The following ILDR1 variants were observed in gnomAD, a reference collection of about 807,000 sequenced individuals.
ILDR1 encodes immunoglobulin like domain containing receptor 1, also known as immunoglobulin-like domain-containing receptor 1.
In ILDR1, 56 loss-of-function variants were observed where a neutral mutation model predicts 62.4. The observed-to-expected ratio is 0.90, with a 90% CI of 0.72 to 1.12. ILDR1 has a LOEUF of 1.12. ILDR1 is among the 50% of genes most tolerant of loss of function. ILDR1 has a pLI of 0.00. For synonymous variants in ILDR1, 284 were observed against 277.8 expected (o/e 1.02, Z -0.22); for missense variants, 736 against 710.6 (o/e 1.04, Z -0.41).
Position 121,994,208 on chromosome 3 carries a change from T to C in ILDR1, c.752A>G (p.Tyr251Cys). The C allele has an allele frequency of 6.5e-7, 1 of 1,536,096 alleles. No homozygotes were observed. Among genetic ancestry groups the C allele is most frequent in the Non-Finnish European group, 8.7e-7 (1 of 1,146,894 alleles). Residue 251 changes from tyrosine (Y) to cysteine (C), a missense_variant, in exon 6 of 8, where the codon TAT becomes TGT. By Grantham distance (194) the Tyr-to-Cys change is radical. Transcript: ENST00000344209. ...GADRSSQVSSYPMHPLLQRDL... is the reference protein window; with the variant it reads ...GADRSSQVSSCPMHPLLQRDL... ...TCGCTGCAGCAGCGGGTGCATTGGA[T>C]AAGATGAAACCTGGGAGCTCCTGTC...
chr3:122,041,271 G>T, the ILDR1 span, among the ~76,000 whole-genome samples: 1 of 152,198 alleles, frequency 6.6e-6, no homozygotes, highest in African/African-American at 2.4e-5. Flanking sequence ...CTTATGAATG[G>T]ATGAATGTCA....
intron 2 of ILDR1, 56 bp from the exon 3 acceptor site, chr3:122,005,449 A>T: frequency 6.2e-7 from 1 of 1,604,796 alleles, no homozygotes; most frequent in Non-Finnish European, 8.5e-7. Flanking sequence ...CCACAAAAAA[A>T]AGGTTCCCTT....
chr3:122,033,319 G>GT, the ILDR1 span, among the ~76,000 whole-genome samples: 11 of 150,714 alleles, frequency 7.3e-5, no homozygotes, highest in Non-Finnish European at 1.2e-4. Flanking sequence ...GGAATCTTTT[G>GT]TTTTTTTATT....
At chr3:122,028,093 C>T in the ILDR1 span, among the ~76,000 whole-genome samples, 1 of 151,478 alleles carries the variant, frequency 6.6e-6, no homozygotes, top group Non-Finnish European at 1.5e-5. Flanking sequence ...TTTGGGAGGC[C>T]AAGGCGGGCA....
At chr3:122,038,401 A>C in the ILDR1 span, among the ~76,000 whole-genome samples, 1 of 152,216 alleles carries the variant, frequency 6.6e-6, no homozygotes, top group Non-Finnish European at 1.5e-5. Context: ...AGAAATTTGA[A>C]GCCTATAGTG....
the ILDR1 span, among the ~76,000 whole-genome samples, chr3:122,057,142 C>T: frequency 6.6e-6 from 1 of 152,182 alleles, no homozygotes; most frequent in East Asian, 1.9e-4. Flanking sequence ...TATTTGTACC[C>T]TAGTTGCGCA....
In ILDR1 at chr3:122,001,448, A is replaced by G. The variant is rs1261467766; in HGVS notation, c.506T>C (p.Leu169Pro). Residue 169 changes from leucine to proline, a missense_variant, in exon 5 of 8, where the codon CTG becomes CCG. Transcript: ENST00000344209. ...TCCCAGGATGATGAAGATCACTGTC[A>G]GCCAGTCTGCAGGGGAGAAGCCAAG... is the stretch of plus-strand genomic sequence containing the variant. ...KEVKLIVLHWLTVIFIILGAL... is the reference protein window; with the variant it reads ...KEVKLIVLHWPTVIFIILGAL... The G allele has an allele frequency of 1.2e-6, 2 of 1,614,168 alleles. No individual in the cohort carries two copies. Among genetic ancestry groups the G allele is most frequent in the Non-Finnish European group, 8.5e-7 (1 of 1,180,014 alleles).
chr3:122,019,834 G>A (rs1226603249), intron 1 of ILDR1, among the ~76,000 whole-genome samples: 1 of 152,230 alleles, frequency 6.6e-6, no homozygotes, highest in African/African-American at 2.4e-5. Flanking sequence ...AGAGAACAAG[G>A]TGATGGACCA....
chr3:122,040,598 T>C, the ILDR1 span, among the ~76,000 whole-genome samples: 134 of 151,676 alleles, frequency 8.8e-4, no homozygotes, highest in Middle Eastern at 6.8e-3. Flanking sequence ...TATAGATCAA[T>C]AGAGAGCCCA....
chr3:122,037,369 G>A, the ILDR1 span, among the ~76,000 whole-genome samples: 1 of 152,250 alleles, frequency 6.6e-6, no homozygotes, highest in East Asian at 1.9e-4. Context: ...ACCCAAGGCT[G>A]TGGGAGCCCA....
chr3:122,035,761 T>C, the ILDR1 span, among the ~76,000 whole-genome samples: 1 of 152,246 alleles, frequency 6.6e-6, no homozygotes, highest in African/African-American at 2.4e-5. Context: ...TAAATCTCTT[T>C]TCTTCAAAAA....
In ILDR1 at chr3:121,993,782, C is replaced by T. The variant is rs1428349007; in HGVS notation, c.967G>A (p.Glu323Lys). The change falls in exon 7 of 8, where the codon GAG (glutamate) becomes AAG (lysine). Residue 323 changes from glutamate (E) to lysine (K), a missense_variant. Glu to Lys is a moderately conservative substitution (Grantham distance 56, BLOSUM62 1). Coordinates refer to ENST00000344209, the MANE Select transcript of ILDR1 (RefSeq NM_001199799.2). ...TGGATGATTCTGCGTTCCACGACCT[C>T]AGAGCCCAGGGAGGACAGCATGCTG... Reference protein sequence around the residue: ...PCSMLSSLGSEVVERRIIHLP... With the variant: ...PCSMLSSLGSKVVERRIIHLP... The T allele has an allele frequency of 6.8e-6, 11 of 1,614,136 alleles. No homozygotes were observed. Among genetic ancestry groups the T allele is most frequent in the African/African-American group, 4.0e-5 (3 of 75,026 alleles).
At chr3:122,004,158 C>CT (rs1208749030) in intron 3 of ILDR1, among the ~76,000 whole-genome samples, 1 of 152,224 alleles carries the variant, frequency 6.6e-6, no homozygotes, top group Non-Finnish European at 1.5e-5. Flanking sequence ...GCGATGGCCA[C>CT]CATGAGTGGC....
At position 122,003,237 on chromosome 3, in the gene ILDR1, T is replaced by C. The variant is rs1395422329; in HGVS notation, c.380-1373A>G. On this transcript the variant is annotated intron_variant, in intron 3 of 7. Transcript: ENST00000344209. ...TGGTGGTAATATCTGCAATTCTTTATTATCTGTTTGTCAAGAAATGTTTAT... is the reference window on the plus strand; with the variant it reads ...TGGTGGTAATATCTGCAATTCTTTACTATCTGTTTGTCAAGAAATGTTTAT... Among the ~76,000 whole-genome samples the C allele has an allele frequency of 2.0e-5, 3 of 152,226 alleles. No homozygotes were observed. The East Asian group carries it at 5.8e-4, about 29-fold the overall frequency.
chr3:122,002,955 T>A (rs1391912209), intron 3 of ILDR1, among the ~76,000 whole-genome samples: 8 of 152,208 alleles, frequency 5.3e-5, no homozygotes, highest in African/African-American at 1.9e-4. Flanking sequence ...GAATTTAAAA[T>A]GAATGGTTAA....
intron 1 of ILDR1, among the ~76,000 whole-genome samples, chr3:122,017,841 A>C (rs1576736895): frequency 6.6e-6 from 1 of 152,352 alleles, no homozygotes; most frequent in East Asian, 1.9e-4. Flanking sequence ...ATCCACAATG[A>C]GATACCATCT....
chr3:122,037,565 T>A, the ILDR1 span, among the ~76,000 whole-genome samples: 1 of 152,202 alleles, frequency 6.6e-6, no homozygotes, highest in African/African-American at 2.4e-5. Flanking sequence ...CTATTGTATC[T>A]TGGAAGTCAC....
chr3:122,007,778 G>A lies in ILDR1; in HGVS notation c.59-617C>T, dbSNP rs113206689. 1.6e-4 allele frequency among the ~76,000 whole-genome samples: 24 copies of A among 152,192 alleles called. 1 individual carries two copies. Among genetic ancestry groups the A allele is most frequent in the South Asian group, 4.2e-4 (2 of 4,816 alleles). On this transcript the variant is annotated intron_variant, in intron 1 of 7. Coordinates refer to ENST00000344209, the MANE Select transcript of ILDR1 (RefSeq NM_001199799.2). The stretch of plus-strand genomic sequence containing the variant: ...CTCTTCCCTGGGCTAATTATGATTC[G>A]TGCCTTGGGACCTCAGCTGAACAGG...
chr3:122,041,792 T>C, the ILDR1 span, among the ~76,000 whole-genome samples: 83,721 of 151,644 alleles, frequency 0.55, 24,229 homozygotes, highest in African/African-American at 0.72. Flanking sequence ...TTTATTAGAT[T>C]TAACTTTTTT....
Sources: gnomAD v4.1 joint callset for allele counts (sites outside exome capture counted in the v4.1 genomes callset) on GRCh38, gnomAD v4.1.1 for gene constraint, MANE v1.5 for transcripts, NCBI Gene and HGNC (gene_info 2026-07-23, HGNC 2026-07-21) for gene names.